The following RNF11 variants were observed in gnomAD, a reference collection of about 807,000 sequenced individuals.
RNF11 encodes ring finger protein 11.
In RNF11, 4 loss-of-function variants were observed where a neutral mutation model predicts 15.8. That is an observed-to-expected ratio of 0.25 (90% confidence interval 0.12 to 0.58). The LOEUF (loss-of-function observed/expected upper bound fraction) is 0.58, where lower values mean the gene tolerates loss of function less well. RNF11 is among the 20% of genes least tolerant of loss of function. RNF11 has a pLI of 0.91. For synonymous variants in RNF11, 68 were observed against 72.3 expected, an observed-to-expected ratio of 0.94 and a Z score of 0.30; for missense variants, 139 against 194.4, an observed-to-expected ratio of 0.71 and a Z score of 1.70.
intron 1 of RNF11, among the ~76,000 whole-genome samples, chr1:51,262,184 G>T (rs1436906086): frequency 6.6e-6 from 1 of 152,220 alleles, no homozygotes; most frequent in Non-Finnish European, 1.5e-5. Flanking sequence ...GTTTCGCCAT[G>T]TTGCCCAGGC....
chr1:51,251,026 G>A, intron 1 of RNF11: 1 of 1,484,440 alleles, frequency 6.7e-7, no homozygotes, highest in Non-Finnish European at 9.2e-7. Context: ...ATGGCCCCAT[G>A]GATGGCGGTG....
intron 1 of RNF11, among the ~76,000 whole-genome samples, chr1:51,255,202 A>G (rs1342659216): frequency 6.6e-6 from 1 of 152,322 alleles, no homozygotes; most frequent in African/African-American, 2.4e-5. Flanking sequence ...CAATGTGTAC[A>G]TTATAGCTGA....
At chr1:51,244,121 A>G (rs1052022732) in intron 1 of RNF11, among the ~76,000 whole-genome samples, 1 of 152,222 alleles carries the variant, frequency 6.6e-6, no homozygotes, top group Middle Eastern at 3.2e-3. Flanking sequence ...TATTTGTGAC[A>G]GTGTCACATC....
intron 1 of RNF11, among the ~76,000 whole-genome samples, chr1:51,266,512 G>A (rs1646955378): frequency 6.6e-6 from 1 of 151,734 alleles, no homozygotes; most frequent in Admixed American, 6.6e-5. Context: ...CACCCAGTCT[G>A]GAGTGTAGTG....
intron 1 of RNF11, chr1:51,251,361 C>A: frequency 6.7e-7 from 1 of 1,500,822 alleles, no homozygotes; most frequent in African/African-American, 1.4e-5. Context: ...GCCCCGTCTA[C>A]GGCTGCGACC....
At chr1:51,269,855 C>T (rs775903190) in intron 1 of RNF11, 101 bp from the exon 2 acceptor site, 6 of 938,346 alleles carry the variant, frequency 6.4e-6, no homozygotes, top group Non-Finnish European at 9.9e-6. Flanking sequence ...CAGCTTCCTA[C>T]CCCTCCCAGG....
chr1:51,250,520 G>T, intron 1 of RNF11: 1 of 549,088 alleles, frequency 1.8e-6, no homozygotes, highest in Non-Finnish European at 3.2e-6. Context: ...ACACAAGTAT[G>T]TTGGAATTTT....
intron 1 of RNF11, among the ~76,000 whole-genome samples, chr1:51,254,130 A>G (rs1432544660): frequency 6.6e-6 from 1 of 152,244 alleles, no homozygotes; most frequent in Non-Finnish European, 1.5e-5. Context: ...ATTGATGAAT[A>G]TTGGGGGGTT....
In RNF11 at chr1:51,256,461, C is replaced by T. The variant is rs940042489; in HGVS notation, c.124-13495C>T. Reference sequence around the variant, plus strand: ...TGATATACTGTAGTTTATCTATTTACCTATCGAAGGACACCATAGTTACTT... The same window carrying T: ...TGATATACTGTAGTTTATCTATTTATCTATCGAAGGACACCATAGTTACTT... On this transcript the variant is annotated intron_variant, in intron 1 of 2. Transcript: ENST00000242719. Among the ~76,000 whole-genome samples, 3 of 152,028 alleles carry T rather than the reference C, an allele frequency of 2.0e-5. No individual in the cohort carries two copies. The South Asian group carries it at 6.2e-4, about 32-fold the overall frequency.
intron 1 of RNF11, among the ~76,000 whole-genome samples, chr1:51,237,631 A>G (rs536178313): frequency 1.4e-4 from 21 of 151,994 alleles, no homozygotes; most frequent in Admixed American, 1.2e-3. Context: ...GACTCTCCTA[A>G]ATACGTTGTA....
At position 51,240,340 on chromosome 1, in the gene RNF11, C is replaced by T. The variant is rs74083034; in HGVS notation, c.123+3461C>T. Among the ~76,000 whole-genome samples, 1,340 of 152,264 alleles carry T rather than the reference C, an allele frequency of 8.8e-3. 15 individuals carry two copies. The highest frequency in any genetic ancestry group is 0.031 in the African/African-American group (1,287 of 41,520). The stretch of plus-strand genomic sequence containing the variant: ...CCCAGATTTCATGGCTGACTGACTC[C>T]CTTACCTCCTTCAAGTCTTTTCTCA... On this transcript the variant is annotated intron_variant, in intron 1 of 2. Coordinates refer to ENST00000242719, the MANE Select transcript of RNF11 (RefSeq NM_014372.5).
intron 2 of RNF11, among the ~76,000 whole-genome samples, chr1:51,270,804 C>T (rs1055559992): frequency 1.3e-5 from 2 of 152,208 alleles, no homozygotes; most frequent in Non-Finnish European, 2.9e-5. Context: ...CAAAGTTGAT[C>T]TAACTGATGC....
chr1:51,270,898 C>CATAT (rs1646975293), intron 2 of RNF11, among the ~76,000 whole-genome samples: 1 of 152,194 alleles, frequency 6.6e-6, no homozygotes, highest in African/African-American at 2.4e-5. Flanking sequence ...AGATTTGATG[C>CATAT]ATATGTAATC....
chr1:51,257,853 C>CTTTTCTTTTTTTTTTTTT (rs1314112586), intron 1 of RNF11, among the ~76,000 whole-genome samples: 1 of 91,268 alleles, frequency 1.1e-5, no homozygotes, highest in African/African-American at 4.8e-5. Flanking sequence ...CTTTTCTTTT[C>CTTTTCTTTTTTTTTTTTT]TTTTTTTTTT....
rs1049342163 is a variant in RNF11, at chr1:51,249,792, G to C, written c.123+12913G>C. The stretch of plus-strand genomic sequence containing the variant: ...CATTATACCTGAGCACCTATTTTGA[G>C]TATATATCCAGGGATAGAGTTACTG... On this transcript the variant is annotated intron_variant, in intron 1 of 2. Transcript: ENST00000242719. 2.0e-5 allele frequency among the ~76,000 whole-genome samples: 3 copies of C among 152,122 alleles called. No individual in the cohort carries two copies. The East Asian group carries it at 5.8e-4, about 29-fold the overall frequency.
chr1:51,251,372 C>T (rs945329273), intron 1 of RNF11: 11 of 1,477,850 alleles, frequency 7.4e-6, no homozygotes, highest in African/African-American at 1.4e-5. Context: ...GGCTGCGACC[C>T]CGGCCCCGGA....
At chr1:51,241,072 C>T (rs1329272047) in intron 1 of RNF11, among the ~76,000 whole-genome samples, 1 of 152,186 alleles carries the variant, frequency 6.6e-6, no homozygotes, top group Non-Finnish European at 1.5e-5. Context: ...CCACCTTGGC[C>T]TTCCAGAGTG....
intron 1 of RNF11, among the ~76,000 whole-genome samples, chr1:51,257,815 G>A (rs371797825): frequency 7.5e-6 from 1 of 133,238 alleles, no homozygotes; most frequent in Admixed American, 7.3e-5. Flanking sequence ...TGTGGTTTTT[G>A]ATTTGCATTT....
At chr1:51,252,860 T>G (rs1429709039) in intron 1 of RNF11, among the ~76,000 whole-genome samples, 1 of 149,552 alleles carries the variant, frequency 6.7e-6, no homozygotes, top group Admixed American at 6.7e-5. Context: ...AGAGTCTTGC[T>G]CTGTTGCCCA....
Sources: gnomAD v4.1 joint callset for allele counts (sites outside exome capture counted in the v4.1 genomes callset) on GRCh38, gnomAD v4.1.1 for gene constraint, MANE v1.5 for transcripts, NCBI Gene and HGNC (gene_info 2026-07-23, HGNC 2026-07-21) for gene names.